Variants in KCNIP4 observed in about 807,000 individuals in gnomAD.
KCNIP4 encodes the protein potassium voltage-gated channel interacting protein 4.
Under a neutral mutation model 34.0 loss-of-function variants are expected in KCNIP4, and 12 were observed. The ratio of observed to expected loss-of-function variants is 0.35; its 90% CI spans 0.23 to 0.57. KCNIP4 has a LOEUF of 0.57. KCNIP4 is among the 20% of genes least tolerant of loss of function. The pLI is 0.83. For missense variants in KCNIP4, 238 were observed against 311.7 expected, an observed-to-expected ratio of 0.76 and a Z score of 1.78; for synonymous variants, 124 against 102.2, an observed-to-expected ratio of 1.21 and a Z score of -1.29.
chr4:20,804,425 T>G (rs1560477805), intron 3 of KCNIP4, among the ~76,000 whole-genome samples: 1 of 152,214 alleles, frequency 6.6e-6, no homozygotes, highest in Non-Finnish European at 1.5e-5. Context: ...TTTAAGGTCA[T>G]AGGCTGAATT....
chr4:21,362,803 G>C (rs1314248755), intron 1 of KCNIP4, among the ~76,000 whole-genome samples: 1 of 152,084 alleles, frequency 6.6e-6, no homozygotes, highest in Non-Finnish European at 1.5e-5. Flanking sequence ...ATTAAAGTTA[G>C]AAATGCAGAC....
intron 1 of KCNIP4, among the ~76,000 whole-genome samples, chr4:21,717,153 A>T (rs1326520422): frequency 1.3e-5 from 2 of 152,128 alleles, no homozygotes; most frequent in Non-Finnish European, 2.9e-5. Flanking sequence ...GTATTGTAGG[A>T]TGATTAGCAG....
chr4:21,344,401 C>T (rs1717080052), intron 1 of KCNIP4, among the ~76,000 whole-genome samples: 1 of 152,074 alleles, frequency 6.6e-6, no homozygotes. Flanking sequence ...AGCATAAGAT[C>T]CATAAGCACA....
chr4:21,255,195 G>A (rs1002399993), intron 1 of KCNIP4, among the ~76,000 whole-genome samples: 4 of 151,962 alleles, frequency 2.6e-5, no homozygotes, highest in African/African-American at 9.7e-5. Flanking sequence ...CACTACCTGA[G>A]CACCCTTCCT....
chr4:21,370,848 T>TACACAC (rs1560338086), intron 1 of KCNIP4, among the ~76,000 whole-genome samples: 1 of 21,446 alleles, frequency 4.7e-5, no homozygotes, highest in African/African-American at 3.1e-4. Flanking sequence ...TATATATATA[T>TACACAC]ATACACACAC....
intron 1 of KCNIP4, among the ~76,000 whole-genome samples, chr4:20,943,837 G>A (rs1288781498): frequency 6.6e-6 from 1 of 152,172 alleles, no homozygotes; most frequent in Non-Finnish European, 1.5e-5. Flanking sequence ...CTCCAGTTCT[G>A]TCAAATTATT....
At chr4:21,104,280 G>A (rs1001774839) in intron 1 of KCNIP4, among the ~76,000 whole-genome samples, 48 of 151,906 alleles carry the variant, frequency 3.2e-4, no homozygotes, top group Admixed American at 3.3e-4. Flanking sequence ...TTTAATGATC[G>A]CCATTCTAAC....
chr4:21,063,819 G>T (rs1276092433), intron 1 of KCNIP4, among the ~76,000 whole-genome samples: 3 of 152,010 alleles, frequency 2.0e-5, no homozygotes, highest in Admixed American at 6.6e-5. Flanking sequence ...GATTTGAGGG[G>T]AAGTAAAGAG....
intron 1 of KCNIP4, among the ~76,000 whole-genome samples, chr4:20,964,023 A>C: frequency 6.6e-6 from 1 of 152,200 alleles, no homozygotes; most frequent in East Asian, 1.9e-4. Flanking sequence ...TTATACTCTA[A>C]GTATAAAAAT....
chr4:21,377,833 T>G (rs1721104281), intron 1 of KCNIP4, among the ~76,000 whole-genome samples: 1 of 152,226 alleles, frequency 6.6e-6, no homozygotes. Context: ...TGAGTTGATT[T>G]CTGTAAACCA....
intron 1 of KCNIP4, among the ~76,000 whole-genome samples, chr4:21,448,963 A>G (rs922870951): frequency 6.6e-6 from 1 of 152,212 alleles, no homozygotes; most frequent in African/African-American, 2.4e-5. Context: ...AGGTTATTGG[A>G]CTTCCAAATT....
chr4:20,998,276 T>C (rs1325839105), intron 1 of KCNIP4, among the ~76,000 whole-genome samples: 7 of 152,152 alleles, frequency 4.6e-5, no homozygotes, highest in Admixed American at 3.9e-4. Flanking sequence ...CGCTGGATCA[T>C]TGAGTTCACT....
At chr4:21,475,187 A>G (rs1021675772) in intron 1 of KCNIP4, among the ~76,000 whole-genome samples, 1 of 152,180 alleles carries the variant, frequency 6.6e-6, no homozygotes, top group African/African-American at 2.4e-5. Context: ...CTGTTAAAAG[A>G]CACACAGGAG....
At chr4:20,893,046 C>T (rs768372695) in intron 1 of KCNIP4, among the ~76,000 whole-genome samples, 5 of 152,136 alleles carry the variant, frequency 3.3e-5, no homozygotes, top group Non-Finnish European at 7.4e-5. Flanking sequence ...TGTCCTAACA[C>T]CCCATAGTCT....
intron 1 of KCNIP4, among the ~76,000 whole-genome samples, chr4:21,404,196 G>A (rs1723782419): frequency 6.6e-6 from 1 of 152,084 alleles, no homozygotes; most frequent in African/African-American, 2.4e-5. Context: ...CAATACATTT[G>A]TCCCTTGCAT....
At chr4:20,798,526 C>A (rs547246192) in intron 3 of KCNIP4, among the ~76,000 whole-genome samples, 1 of 151,556 alleles carries the variant, frequency 6.6e-6, no homozygotes, top group South Asian at 2.1e-4. Flanking sequence ...CACACACATA[C>A]ACACACACAC....
At chr4:21,496,248 G>A (rs1291569968) in intron 1 of KCNIP4, among the ~76,000 whole-genome samples, 4 of 152,102 alleles carry the variant, frequency 2.6e-5, no homozygotes. Flanking sequence ...GAGAAAACCT[G>A]AGTGCTAGAG....
At chr4:21,554,709 G>A (rs576069035) in intron 1 of KCNIP4, among the ~76,000 whole-genome samples, 26 of 152,104 alleles carry the variant, frequency 1.7e-4, no homozygotes, top group African/African-American at 5.1e-4. Context: ...CCCAGATAAG[G>A]TCACTCACAC....
chr4:21,618,424 T>C (rs960291120), intron 1 of KCNIP4, among the ~76,000 whole-genome samples: 3 of 151,952 alleles, frequency 2.0e-5, no homozygotes, highest in Admixed American at 6.6e-5. Context: ...TTAGGAACCA[T>C]TGATGTAGCA....
Sources: gnomAD v4.1 joint callset for allele counts (sites outside exome capture counted in the v4.1 genomes callset) on GRCh38, gnomAD v4.1.1 for gene constraint, MANE v1.5 for transcripts, NCBI Gene and HGNC (gene_info 2026-07-23, HGNC 2026-07-21) for gene names.